Variants in TNFAIP3 observed in about 807,000 individuals in gnomAD.
TNFAIP3 encodes TNF alpha induced protein 3, also known as tumor necrosis factor alpha-induced protein 3.
Under a neutral mutation model 72.4 loss-of-function variants are expected in TNFAIP3, and 9 were observed. The observed-to-expected ratio is 0.12, with a 90% CI of 0.07 to 0.22. The LOEUF (loss-of-function observed/expected upper bound fraction) is 0.22. TNFAIP3 is among the 10% of genes least tolerant of loss of function. The pLI, the probability that TNFAIP3 is intolerant of heterozygous loss-of-function variation, is 1.00. For missense variants in TNFAIP3, 833 were observed against 1,018.7 expected, an observed-to-expected ratio of 0.82 and a Z score of 2.48; for synonymous variants, 339 against 372.6, an observed-to-expected ratio of 0.91 and a Z score of 1.04.
At chr6:137,872,531 C>T (rs1776095595) in intron 2 of TNFAIP3, among the ~76,000 whole-genome samples, 1 of 152,124 alleles carries the variant, frequency 6.6e-6, no homozygotes, top group Non-Finnish European at 1.5e-5. Flanking sequence ...ATTCAAAAGC[C>T]AAGTACATTA....
chr6:137,872,206 C>G (rs1011015446), intron 2 of TNFAIP3, among the ~76,000 whole-genome samples: 1 of 152,206 alleles, frequency 6.6e-6, no homozygotes, highest in African/African-American at 2.4e-5. Context: ...CCACTAGTAG[C>G]TATTTCCTAT....
At position 137,879,549 on chromosome 6, in the gene TNFAIP3, A is replaced by G. The variant is rs368345463; in HGVS notation, c.1906+198A>G. On this transcript the variant is annotated intron_variant, in intron 7 of 8. Coordinates refer to ENST00000612899, the MANE Select transcript of TNFAIP3 (RefSeq NM_001270508.2). ...TGGAGGCAAAAGGCACTGCGTGATT[A>G]CAGCAGCTCCTAATATCACATTCCA... Among the ~76,000 whole-genome samples, 61 of 152,364 alleles carry G rather than the reference A, an allele frequency of 4.0e-4. 6 individuals carry two copies. Among genetic ancestry groups the G allele is most frequent in the Admixed American group, 2.2e-3 (34 of 15,314 alleles).
Position 137,879,364 on chromosome 6 carries a change from G to A in TNFAIP3, c.1906+13G>A. ...AGAGAAAACAAACGTGAGTGAAGTG[G>A]TTGACTTCCTAACACAGCGGCTGCT... On this transcript the variant is annotated intron_variant, in intron 7 of 8. Transcript: ENST00000612899. 6.2e-7 allele frequency: 1 copy of A among 1,605,744 alleles called. No homozygotes were observed.
At chr6:137,873,850 T>C (rs1776142167) in intron 2 of TNFAIP3, among the ~76,000 whole-genome samples, 1 of 152,246 alleles carries the variant, frequency 6.6e-6, no homozygotes, top group African/African-American at 2.4e-5. Flanking sequence ...TGACTGTAAT[T>C]ACAATTTGAT....
In TNFAIP3 at chr6:137,880,064, C is replaced by G. The variant is rs776472606; in HGVS notation, c.1907-7C>G. ...TGTGGTACTAACTAGCATCCATTCT[C>G]ATGTAGATTTTGCTGCTGCCTCAGG... On this transcript the variant is annotated splice_region_variant and splice_polypyrimidine_tract_variant and intron_variant, in intron 7 of 8. Transcript: ENST00000612899. 8.7e-6 allele frequency: 14 copies of G among 1,613,776 alleles called. No individual in the cohort carries two copies. In the Admixed American group the frequency reaches 1.0e-4, roughly 12 times the overall value.
chr6:137,877,126 T>G lies in TNFAIP3; in HGVS notation c.856T>G (p.Leu286Val). The G allele has an allele frequency of 1.2e-6, 2 of 1,613,772 alleles. No homozygotes were observed. Among genetic ancestry groups the G allele is most frequent in the Non-Finnish European group, 1.7e-6 (2 of 1,179,862 alleles). Residue 286 changes from leucine (L) to valine (V), a missense_variant, in exon 6 of 9, where the codon TTA (leucine) becomes GTA (valine). Leu to Val is a conservative substitution (Grantham distance 32). Around this residue, in one of 2 missense-constraint regions of TNFAIP3, gnomAD observed 246 missense variants for 360.9 expected, o/e 0.68. Transcript: ENST00000612899. The part of the protein sequence containing the change: ...VNRDRGRFED[L>V]KVHFLTDPEN... ...CAGAGACCGGGGAAGATTTGAAGACTTAAAAGTTCACTTTTTGACAGATCC... is the reference window on the plus strand; with the variant it reads ...CAGAGACCGGGGAAGATTTGAAGACGTAAAAGTTCACTTTTTGACAGATCC...
In TNFAIP3 at chr6:137,882,180, G is replaced by A. The variant is rs1001839016; in HGVS notation, c.*861G>A. ...GAAATGCTGCCCTAGAAGTACAATA[G>A]GAAGGCTAAATAATAATAACCTGTT... is the stretch of plus-strand genomic sequence containing the variant. On this transcript the variant is annotated 3_prime_UTR_variant, in exon 9 of 9. Transcript: ENST00000612899. The A allele has an allele frequency of 2.6e-5, 6 of 231,762 alleles. No individual in the cohort carries two copies. The South Asian group carries it at 9.1e-4, about 35-fold the overall frequency. The allele number at this position is 231,762 out of a possible 1,614,324, so 14.4% of individuals were successfully genotyped here.
intron 1 of TNFAIP3, among the ~76,000 whole-genome samples, chr6:137,869,201 A>G (rs1775951534): frequency 6.6e-6 from 1 of 152,176 alleles, no homozygotes; most frequent in Non-Finnish European, 1.5e-5. Context: ...CCTTAGCTGC[A>G]GACTAAGGTG....
Position 137,882,165 on chromosome 6 carries a change from C to T in TNFAIP3, c.*846C>T, listed in dbSNP as rs182842072. 318 of 231,384 alleles carry T rather than the reference C, an allele frequency of 1.4e-3. No individual in the cohort carries two copies. The highest frequency in any genetic ancestry group is 6.5e-3 in the African/African-American group (295 of 45,190). The allele number at this position is 231,384 out of a possible 1,614,324, so 14.3% of individuals were successfully genotyped here. A position where few individuals can be genotyped will look rare whatever the true frequency, so the allele number is the denominator to read the frequency against. The stretch of plus-strand genomic sequence containing the variant: ...TTTTTAAATTATATTGAAATGCTGC[C>T]CTAGAAGTACAATAGGAAGGCTAAA... On this transcript the variant is annotated 3_prime_UTR_variant, in exon 9 of 9. Transcript: ENST00000612899.
chr6:137,872,714 T>C lies in TNFAIP3; in HGVS notation c.295+1192T>C, dbSNP rs575266771. On this transcript the variant is annotated intron_variant, in intron 2 of 8. Coordinates refer to ENST00000612899, the MANE Select transcript of TNFAIP3 (RefSeq NM_001270508.2). The stretch of plus-strand genomic sequence containing the variant: ...CTGGGGATAGCTACTATCTGCATTG[T>C]TCTTGGCATTAAATTAAGTGATACT... 8.5e-5 allele frequency among the ~76,000 whole-genome samples: 13 copies of C among 152,326 alleles called. No homozygotes were observed. The East Asian group carries it at 2.1e-3, about 25-fold the overall frequency.
At position 137,883,137 on chromosome 6, in the gene TNFAIP3, T is replaced by C. The variant is rs1776515226; in HGVS notation, c.*1818T>C. On this transcript the variant is annotated 3_prime_UTR_variant, in exon 9 of 9. Coordinates refer to ENST00000612899, the MANE Select transcript of TNFAIP3 (RefSeq NM_001270508.2). ...TATTTTGTGTTGATCATTATTTCCA[T>C]TCTTAATGTGAAAAAAAGTAATTAT... is the stretch of plus-strand genomic sequence containing the variant. 1 of 205,144 alleles carries C rather than the reference T, an allele frequency of 4.9e-6. No individual in the cohort carries two copies. Among genetic ancestry groups the C allele is most frequent in the Non-Finnish European group, 9.9e-6 (1 of 100,956 alleles). 12.7% of individuals were successfully genotyped at this position (205,144 alleles called of 1,614,324 possible).
Position 137,880,278 on chromosome 6 carries a change from T to C in TNFAIP3, c.2088+26T>C, listed in dbSNP as rs573683859. 1.9e-6 allele frequency: 3 copies of C among 1,613,046 alleles called. No homozygotes were observed. The East Asian group carries it at 6.7e-5, about 36-fold the overall frequency. On this transcript the variant is annotated intron_variant, in intron 8 of 8. Coordinates refer to ENST00000612899, the MANE Select transcript of TNFAIP3 (RefSeq NM_001270508.2). ...GTGAGACACTTGGAGGAGCTTTCCC[T>C]CCCTCCCGTGTGTTCGATGCTTTTT...
Position 137,867,948 on chromosome 6 carries a change from A to G in TNFAIP3, c.-16+406A>G, listed in dbSNP as rs1214781852. 2.6e-5 allele frequency: 4 copies of G among 152,478 alleles called. No individual in the cohort carries two copies. Among genetic ancestry groups the G allele is most frequent in the Non-Finnish European group, 1.5e-5 (1 of 68,048 alleles). 9.4% of individuals were successfully genotyped at this position (152,478 alleles called of 1,614,324 possible). On this transcript the variant is annotated intron_variant, in intron 1 of 8. Coordinates refer to ENST00000612899, the MANE Select transcript of TNFAIP3 (RefSeq NM_001270508.2). This position sits in a 1 kb window ranked among gnomAD's most constrained non-coding sequence, Gnocchi z 6.0. ...CAGAAGCGCTGCGGCTTTTTCCCAA[A>G]TTGTGCAGGACCAGCCCGACGGGGC...
chr6:137,875,637 A>G, intron 3 of TNFAIP3, 51 bp from the exon 4 acceptor site: 1 of 1,591,818 alleles, frequency 6.3e-7, no homozygotes. Flanking sequence ...ACTTTTTAGT[A>G]CAGGGAGTAC....
At chr6:137,870,065 C>T (rs1023964194) in intron 1 of TNFAIP3, among the ~76,000 whole-genome samples, 17 of 152,144 alleles carry the variant, frequency 1.1e-4, no homozygotes, top group Admixed American at 6.5e-5. Flanking sequence ...AGAGTGGCCT[C>T]CTGGTGGAAA....
chr6:137,866,686 C>G (rs2114427958), upstream of TNFAIP3: 1 of 152,572 alleles, frequency 6.6e-6, no homozygotes, highest in East Asian at 1.9e-4. Flanking sequence ...CAAAGGCTGT[C>G]ACCGCTGCTT....
rs1258786032 is a variant in TNFAIP3, at chr6:137,882,614, C to T, written c.*1295C>T. 2 of 232,956 alleles carry T rather than the reference C, an allele frequency of 8.6e-6. No individual in the cohort carries two copies. The highest frequency in any genetic ancestry group is 1.2e-4 in the East Asian group (2 of 16,660). The allele number at this position is 232,956 out of a possible 1,614,324, so 14.4% of individuals were successfully genotyped here. On this transcript the variant is annotated 3_prime_UTR_variant, in exon 9 of 9. Coordinates refer to ENST00000612899, the MANE Select transcript of TNFAIP3 (RefSeq NM_001270508.2). ...GTTAATGCCTCTGAGTGTCCTACCT[C>T]CTTGGAGATGAGATAGGGAAGGAGC... is the stretch of plus-strand genomic sequence containing the variant.
intron 7 of TNFAIP3, 30 bp downstream of exon 7, chr6:137,879,381 G>A: frequency 1.3e-6 from 2 of 1,591,978 alleles, no homozygotes; most frequent in Non-Finnish European, 8.6e-7. Flanking sequence ...TCCTAACACA[G>A]CGGCTGCTGT....
At chr6:137,870,724 A>C (rs1179210139) in intron 1 of TNFAIP3, among the ~76,000 whole-genome samples, 1 of 152,218 alleles carries the variant, frequency 6.6e-6, no homozygotes, top group Non-Finnish European at 1.5e-5. Context: ...GTGATAACTC[A>C]AGAGTTTGCC....
Sources: allele counts gnomAD v4.1 joint callset (sites outside exome capture counted in the v4.1 genomes callset), GRCh38; gene constraint gnomAD v4.1.1; regional missense constraint gnomAD v4.1.1; non-coding constraint Gnocchi (gnomAD v3.1); transcripts MANE v1.5; gene names NCBI Gene and HGNC (gene_info 2026-07-23, HGNC 2026-07-21).